Variants in KANSL1 observed in about 807,000 individuals in gnomAD.
KANSL1 encodes the protein MLL1/MLL complex subunit KANSL1.
A neutral mutation model predicts 103.6 loss-of-function variants in KANSL1; 22 were observed. The ratio of observed to expected loss-of-function variants is 0.21; its 90% CI spans 0.15 to 0.30. The LOEUF (loss-of-function observed/expected upper bound fraction) is 0.30. Ranked by LOEUF, KANSL1 falls within the 10% of genes least tolerant of loss-of-function variation. The pLI is 1.00. For missense variants in KANSL1, 1,337 were observed against 1,399.8 expected (o/e 0.96, Z 0.72); for synonymous variants, 600 against 527.6 (o/e 1.14, Z -1.88).
intron 1 of KANSL1, among the ~76,000 whole-genome samples, chr17:46,189,849 A>G (rs1266455891): frequency 1.3e-5 from 2 of 150,216 alleles, no homozygotes; most frequent in Non-Finnish European, 2.9e-5. Context: ...GGAGACTGCA[A>G]TGAGCTGAGA....
chr17:46,069,052 A>T (rs2078483889), intron 4 of KANSL1, among the ~76,000 whole-genome samples: 1 of 152,140 alleles, frequency 6.6e-6, no homozygotes, highest in South Asian at 2.1e-4. Context: ...TGGCCTCCTG[A>T]GTAGCTGGGA....
chr17:46,063,564 A>G (rs2078255431), intron 6 of KANSL1, among the ~76,000 whole-genome samples: 1 of 152,182 alleles, frequency 6.6e-6, no homozygotes, highest in Non-Finnish European at 1.5e-5. Context: ...ATATTTCCCA[A>G]AGTCAACTAA....
chr17:46,145,667 A>C (rs2044657558), intron 2 of KANSL1, among the ~76,000 whole-genome samples: 1 of 152,240 alleles, frequency 6.6e-6, no homozygotes, highest in Non-Finnish European at 1.5e-5. Context: ...ATGAACTAGG[A>C]AATCAAACAA....
intron 7 of KANSL1, chr17:46,041,878 T>TTTTGTGTGTGTGTGTG (rs1445996410): frequency 2.4e-5 from 3 of 122,648 alleles, no homozygotes; most frequent in African/African-American, 8.3e-5. Flanking sequence ...GAAATTTATT[T>TTTTGTGTGTGTGTGTG]TGTGTGTGTG....
chr17:46,196,903 T>C (rs2047628989), upstream of KANSL1, among the ~76,000 whole-genome samples: 3 of 152,158 alleles, frequency 2.0e-5, no homozygotes, highest in South Asian at 6.2e-4. Flanking sequence ...GCCCAGGAGT[T>C]TGAGAACAGC....
intron 2 of KANSL1, among the ~76,000 whole-genome samples, chr17:46,102,374 T>C (rs552357992): frequency 1.3e-5 from 2 of 152,284 alleles, no homozygotes; most frequent in African/African-American, 4.8e-5. Flanking sequence ...CTCAGCCTCC[T>C]GAGTAGCTGG....
At chr17:46,031,912 G>A (rs2077019629) in intron 14 of KANSL1, 135 bp downstream of exon 14, 5 of 1,266,562 alleles carry the variant, frequency 3.9e-6, no homozygotes, top group Non-Finnish European at 2.2e-6. Context: ...GAACGTTGAG[G>A]AGATCAATTT....
intron 1 of KANSL1, among the ~76,000 whole-genome samples, chr17:46,185,151 G>A (rs142680430): frequency 0.016 from 2,457 of 152,204 alleles, 29 homozygotes; most frequent in Middle Eastern, 0.044. Context: ...TAAAAAAGGA[G>A]GGTTATAGCT....
chr17:46,125,029 G>T (rs1435029044), intron 2 of KANSL1, among the ~76,000 whole-genome samples: 23 of 111,962 alleles, frequency 2.1e-4, no homozygotes, highest in Admixed American at 4.0e-4. Flanking sequence ...GAAGGGAGGG[G>T]AGGTAGGGAG....
chr17:46,198,305 C>G (rs756393053), upstream of KANSL1, among the ~76,000 whole-genome samples: 128 of 151,740 alleles, frequency 8.4e-4, 1 homozygote, highest in South Asian at 2.7e-3. Context: ...GTGAATGAAG[C>G]TATTTTCCAC....
chr17:46,175,354 G>A (rs2046471811), intron 1 of KANSL1, among the ~76,000 whole-genome samples: 1 of 146,356 alleles, frequency 6.8e-6, no homozygotes, highest in African/African-American at 2.6e-5. Context: ...GTGTGTGTGT[G>A]TGTGTGTGTT....
At chr17:46,099,545 T>TACTGTA (rs2042224456) in intron 2 of KANSL1, among the ~76,000 whole-genome samples, 2 of 152,198 alleles carry the variant, frequency 1.3e-5, no homozygotes, top group South Asian at 4.1e-4. Flanking sequence ...TGCAGAATAA[T>TACTGTA]ACTTTAAATA....
intron 2 of KANSL1, among the ~76,000 whole-genome samples, chr17:46,160,244 T>A (rs552818436): frequency 2.0e-5 from 3 of 152,312 alleles, no homozygotes; most frequent in Admixed American, 6.5e-5. Flanking sequence ...TTAAAAAAAA[T>A]AACTTCAACC....
In KANSL1 at chr17:46,033,107, C is replaced by T. The variant is rs761911069; in HGVS notation, c.2810G>A (p.Ser937Asn). 7 of 1,597,530 alleles carry T rather than the reference C, an allele frequency of 4.4e-6. No individual in the cohort carries two copies. In the African/African-American group the frequency reaches 5.4e-5, roughly 12 times the overall value. ...MERARWLWTT[S>N]VPPQRRGSRS... ...GCTGCCCCGCCGCTGGGGTGGCACA[C>T]TCGTGGTCCACAGCCACCGTGCCCT... is the stretch of plus-strand genomic sequence containing the variant. The change falls in exon 13 of 15, where the codon AGT (serine) becomes AAT (asparagine). Residue 937 changes from serine (S) to asparagine (N), a missense_variant. Ser to Asn is a conservative substitution (Grantham distance 46). Around this residue, in one of 2 missense-constraint regions of KANSL1, gnomAD observed 780 missense variants for 923.4 expected, o/e 0.84. Transcript: ENST00000432791.
chr17:46,048,420 A>C (rs1461821896), intron 7 of KANSL1, among the ~76,000 whole-genome samples: 1 of 151,924 alleles, frequency 6.6e-6, no homozygotes, highest in Non-Finnish European at 1.5e-5. Context: ...ATACAAAAAA[A>C]TTAGCCAGGC....
At chr17:46,116,709 T>C (rs2043062905) in intron 2 of KANSL1, among the ~76,000 whole-genome samples, 1 of 152,220 alleles carries the variant, frequency 6.6e-6, no homozygotes, top group African/African-American at 2.4e-5. Context: ...ATGCAATCTT[T>C]AACCTTAACT....
At chr17:46,136,003 A>G (rs907612895) in intron 2 of KANSL1, among the ~76,000 whole-genome samples, 7 of 152,328 alleles carry the variant, frequency 4.6e-5, no homozygotes, top group African/African-American at 1.2e-4. Flanking sequence ...AAACATGCAC[A>G]TAACTACTGA....
chr17:46,100,428 T>A (rs1354302558), intron 2 of KANSL1, among the ~76,000 whole-genome samples: 1 of 127,914 alleles, frequency 7.8e-6, no homozygotes, highest in Non-Finnish European at 1.7e-5. Flanking sequence ...TACAACAGAG[T>A]GAGACTCCCT....
intron 2 of KANSL1, among the ~76,000 whole-genome samples, chr17:46,114,616 C>A (rs2042964566): frequency 6.6e-6 from 1 of 152,154 alleles, no homozygotes; most frequent in African/African-American, 2.4e-5. Context: ...ATCTTTCAAG[C>A]AAGAAAGAAG....
Sources: allele counts gnomAD v4.1 joint callset (sites outside exome capture counted in the v4.1 genomes callset), GRCh38; gene constraint gnomAD v4.1.1; regional missense constraint gnomAD v4.1.1; transcripts MANE v1.5; gene names NCBI Gene and HGNC (gene_info 2026-07-23, HGNC 2026-07-21).